Variants in ANKS1B observed in about 807,000 individuals in gnomAD.
The protein encoded by ANKS1B is ankyrin repeat and sterile alpha motif domain-containing protein 1B.
In ANKS1B, 36 loss-of-function variants were observed where a neutral mutation model predicts 148.3. The observed-to-expected ratio is 0.24, with a 90% CI of 0.19 to 0.32. The LOEUF is 0.32. Among genes scored for constraint, ANKS1B ranks in the 10% least tolerant of loss-of-function variants. The pLI, the probability that ANKS1B is intolerant of heterozygous loss-of-function variation, is 1.00. For missense variants in ANKS1B, 1,157 were observed against 1,542.6 expected (o/e 0.75, Z 4.19); for synonymous variants, 542 against 560.8 (o/e 0.97, Z 0.47).
chr12:99,695,512 G>A (rs73143674), intron 8 of ANKS1B, among the ~76,000 whole-genome samples: 54 of 152,270 alleles, frequency 3.5e-4, no homozygotes, highest in Non-Finnish European at 7.2e-4. Context: ...AGAAGTTCCA[G>A]CCAGAATTCA....
chr12:99,838,371 C>T (rs1024838074), intron 1 of ANKS1B, among the ~76,000 whole-genome samples: 3 of 152,086 alleles, frequency 2.0e-5, no homozygotes, highest in Admixed American at 2.0e-4. Flanking sequence ...AACTTATATT[C>T]CCACCAATGG....
intron 16 of ANKS1B, among the ~76,000 whole-genome samples, chr12:99,080,428 A>G (rs1278529302): frequency 6.6e-6 from 1 of 152,212 alleles, no homozygotes; most frequent in Middle Eastern, 3.2e-3. Context: ...AGTATAGACA[A>G]CTACTAAGTA....
intron 17 of ANKS1B, among the ~76,000 whole-genome samples, chr12:98,857,152 G>A (rs575281346): frequency 1.1e-4 from 16 of 152,266 alleles, no homozygotes; most frequent in Admixed American, 6.5e-4. Context: ...AACATGCCAT[G>A]GAGCACAGAG....
intron 22 of ANKS1B, among the ~76,000 whole-genome samples, chr12:98,786,187 G>A (rs1566485530): frequency 6.6e-6 from 1 of 152,164 alleles, no homozygotes; most frequent in Non-Finnish European, 1.5e-5. Flanking sequence ...CCCAAATTAA[G>A]AGGATCATAC....
At chr12:99,627,245 CT>C (rs2098119549) in intron 9 of ANKS1B, among the ~76,000 whole-genome samples, 1 of 152,034 alleles carries the variant, frequency 6.6e-6, no homozygotes, top group Non-Finnish European at 1.5e-5. Flanking sequence ...TGTTCTTTAC[CT>C]TTTTATGTTT....
chr12:99,452,971 T>A (rs1168054692), intron 10 of ANKS1B, among the ~76,000 whole-genome samples: 1 of 152,166 alleles, frequency 6.6e-6, no homozygotes, highest in East Asian at 1.9e-4. Flanking sequence ...AGGGTGTGAG[T>A]TGAACTCGTT....
chr12:99,612,012 T>G (rs7955451), intron 9 of ANKS1B, among the ~76,000 whole-genome samples: 44,268 of 151,772 alleles, frequency 0.29, 7,039 homozygotes, highest in East Asian at 0.47. Flanking sequence ...ATATTATACA[T>G]CCAGGATTCA....
At chr12:99,766,045 C>G (rs532367837) in intron 8 of ANKS1B, among the ~76,000 whole-genome samples, 1 of 152,194 alleles carries the variant, frequency 6.6e-6, no homozygotes, top group East Asian at 1.9e-4. Flanking sequence ...ATCATGATTG[C>G]TGGGAAAAAC....
chr12:99,576,441 C>A (rs1424742244), intron 9 of ANKS1B, among the ~76,000 whole-genome samples: 1 of 151,780 alleles, frequency 6.6e-6, no homozygotes, highest in Non-Finnish European at 1.5e-5. Flanking sequence ...ACATTCTTCT[C>A]ATCTACACAG....
rs77698932 is a variant in ANKS1B, at chr12:98,737,611, G to T, written c.691-1977C>A. Among the ~76,000 whole-genome samples, 21 of 152,318 alleles carry T rather than the reference G, an allele frequency of 1.4e-4. No homozygotes were observed. In the East Asian group the frequency reaches 2.7e-3, roughly 20 times the overall value. Reference sequence around the variant, plus strand: ...ATTCATCTCCTGAGTTCCATGGGATGAATTTGCCCACGTGTTCATAACACA... The same window carrying T: ...ATTCATCTCCTGAGTTCCATGGGATTAATTTGCCCACGTGTTCATAACACA... On this transcript the variant is annotated intron_variant, in intron 9 of 9. Coordinates refer to the ANKS1B transcript ENST00000341752.
chr12:98,770,560 T>C (rs914141205), intron 25 of ANKS1B, among the ~76,000 whole-genome samples: 1 of 152,170 alleles, frequency 6.6e-6, no homozygotes, highest in Admixed American at 6.5e-5. Context: ...GTCTTTACTG[T>C]TACCACAGAC....
At chr12:99,900,823 G>A (rs2093574137) in intron 1 of ANKS1B, among the ~76,000 whole-genome samples, 1 of 152,162 alleles carries the variant, frequency 6.6e-6, no homozygotes, top group South Asian at 2.1e-4. Context: ...ATAAAAGAAT[G>A]TTCAGTTAAT....
rs552668029 is a variant in ANKS1B, at chr12:99,424,383, A to G, written c.1575+19290T>C. On this transcript the variant is annotated intron_variant, in intron 11 of 26. Coordinates refer to ENST00000683438, the MANE Select transcript of ANKS1B (RefSeq NM_001352186.2). ...GAAGTAAAATAAATCTAGGTTTGGAATATAGACTAGAAGAGATCAAGAAGT... is the reference window on the plus strand; with the variant it reads ...GAAGTAAAATAAATCTAGGTTTGGAGTATAGACTAGAAGAGATCAAGAAGT... Among the ~76,000 whole-genome samples, 25 of 152,302 alleles carry G rather than the reference A, an allele frequency of 1.6e-4. No individual in the cohort carries two copies. In the South Asian group the frequency reaches 5.2e-3, roughly 32 times the overall value.
At chr12:98,737,343 T>C (rs2097778536) in intron 9 of ANKS1B, among the ~76,000 whole-genome samples, 1 of 152,246 alleles carries the variant, frequency 6.6e-6, no homozygotes, top group Non-Finnish European at 1.5e-5. Context: ...TCACCGATTT[T>C]CTTTTCCCCG....
At chr12:99,044,543 G>C (rs919880860) in intron 17 of ANKS1B, among the ~76,000 whole-genome samples, 1 of 152,166 alleles carries the variant, frequency 6.6e-6, no homozygotes, top group African/African-American at 2.4e-5. Flanking sequence ...GGGAATGAGG[G>C]AGGACAGCAT....
chr12:99,539,550 A>G (rs2097105550), intron 9 of ANKS1B, among the ~76,000 whole-genome samples: 1 of 152,350 alleles, frequency 6.6e-6, no homozygotes, highest in African/African-American at 2.4e-5. Context: ...TCTATTTAAT[A>G]CAAAGGAAGG....
chr12:99,463,057 T>C (rs939034853), intron 10 of ANKS1B, among the ~76,000 whole-genome samples: 1 of 152,108 alleles, frequency 6.6e-6, no homozygotes, highest in Non-Finnish European at 1.5e-5. Context: ...TTTACAGCAA[T>C]ACAAAATGGA....
chr12:98,863,764 C>G (rs754646418), intron 17 of ANKS1B, among the ~76,000 whole-genome samples: 20 of 152,096 alleles, frequency 1.3e-4, no homozygotes, highest in Non-Finnish European at 2.2e-4. Context: ...GAACAAAATG[C>G]TAAAGATATA....
chr12:99,481,719 T>C (rs1002449585), intron 10 of ANKS1B, among the ~76,000 whole-genome samples: 1 of 151,956 alleles, frequency 6.6e-6, no homozygotes, highest in African/African-American at 2.4e-5. Context: ...GACTTTTTAG[T>C]AATGGCCATT....
Sources: allele counts gnomAD v4.1 joint callset (sites outside exome capture counted in the v4.1 genomes callset), GRCh38; gene constraint gnomAD v4.1.1; transcripts MANE v1.5; gene names NCBI Gene and HGNC (gene_info 2026-07-23, HGNC 2026-07-21).